Variants in CFAP47 observed in about 807,000 individuals in gnomAD.
CFAP47 encodes the protein cilia and flagella associated protein 47.
A neutral mutation model predicts 148.1 loss-of-function variants in CFAP47; 29 were observed. The observed-to-expected ratio is 0.20, with a 90% CI of 0.15 to 0.27. The LOEUF (loss-of-function observed/expected upper bound fraction) is 0.27, where lower values mean the gene tolerates loss of function less well. CFAP47 is among the 10% of genes least tolerant of loss of function. The probability of loss-of-function intolerance (pLI) is 1.00; values close to 1 mark genes in which losing one functional copy is unlikely to be tolerated. For synonymous variants in CFAP47, 664 were observed against 577.3 expected (o/e 1.15, Z -2.15); for missense variants, 1,872 against 1,697.5 (o/e 1.10, Z -1.81).
At chrX:36,175,063 A>G (rs1480044379) in intron 39 of CFAP47, among the ~76,000 whole-genome samples, 4 of 111,063 alleles carry the variant, frequency 3.6e-5, no homozygotes, top group East Asian at 5.6e-4. Flanking sequence ...ATCTTCCATC[A>G]CTGATACCCT....
chrX:36,170,065 G>A (rs950911572), intron 39 of CFAP47, among the ~76,000 whole-genome samples: 4 of 111,431 alleles, frequency 3.6e-5, no homozygotes, highest in Non-Finnish European at 7.5e-5. Flanking sequence ...CAAGGCTGCT[G>A]CAGAGCTGTC....
chrX:36,243,601 G>A (rs968509883), intron 48 of CFAP47, among the ~76,000 whole-genome samples: 3 of 98,051 alleles, frequency 3.1e-5, no homozygotes, highest in Non-Finnish European at 6.1e-5. Flanking sequence ...ATTACATTAT[G>A]ATAAAGGGTG....
intron 22 of CFAP47, among the ~76,000 whole-genome samples, chrX:36,018,817 A>T (rs1464740628): frequency 1.1e-4 from 12 of 104,926 alleles, no homozygotes; most frequent in Admixed American, 5.1e-4. Flanking sequence ...TTTTTTTTTT[A>T]AATGCGTCAT....
intron 56 of CFAP47, among the ~76,000 whole-genome samples, chrX:36,317,920 A>G (rs1941449875): frequency 8.9e-6 from 1 of 111,758 alleles, no homozygotes; most frequent in Non-Finnish European, 1.9e-5. Flanking sequence ...TTAGATGCTG[A>G]TAAGATATCT....
intron 25 of CFAP47, among the ~76,000 whole-genome samples, chrX:36,044,366 C>T (rs1937441047): frequency 8.9e-6 from 1 of 112,973 alleles, no homozygotes; most frequent in African/African-American, 3.2e-5. Context: ...ATTTTCGAAA[C>T]CTTTATGCTC....
At chrX:35,948,978 C>A (rs1021713297) in intron 4 of CFAP47, among the ~76,000 whole-genome samples, 1 of 110,906 alleles carries the variant, frequency 9.0e-6, no homozygotes, top group African/African-American at 3.3e-5. Context: ...TGACAGGAGA[C>A]AAGACCAGAA....
In CFAP47 at chrX:35,941,332, A is replaced by T; in HGVS notation, c.451A>T (p.Thr151Ser). 8.5e-7 allele frequency: 1 copy of T among 1,182,203 alleles called. No individual in the cohort carries two copies. The highest frequency in any genetic ancestry group is 1.1e-6 in the Non-Finnish European group (1 of 880,771). The stretch of plus-strand genomic sequence containing the variant: ...AATTGAATCAGTAGTTAATTTTGGC[A>T]CACTGGTTGCCAATAGTAAAGTATA... The part of the protein sequence containing the change: ...LEIESVVNFG[T>S]LVANSKVYSK... Residue 151 changes from threonine (T) to serine (S), a missense_variant, in exon 3 of 64, where the codon ACA becomes TCA. Coordinates refer to ENST00000378653, the MANE Select transcript of CFAP47 (RefSeq NM_001304548.2).
At chrX:36,042,669 A>G (rs1167522736) in intron 25 of CFAP47, among the ~76,000 whole-genome samples, 5 of 111,669 alleles carry the variant, frequency 4.5e-5, no homozygotes, top group Non-Finnish European at 9.4e-5. Flanking sequence ...ATTCAAATAA[A>G]TAAATAATAA....
At chrX:36,278,315 G>C (rs1285464946) in intron 49 of CFAP47, among the ~76,000 whole-genome samples, 1 of 112,265 alleles carries the variant, frequency 8.9e-6, no homozygotes, top group African/African-American at 3.2e-5. Flanking sequence ...CCCTCCCCCT[G>C]CCAGGCTGCT....
At chrX:36,045,205 C>G (rs186352737) in intron 25 of CFAP47, among the ~76,000 whole-genome samples, 121 of 111,628 alleles carry the variant, frequency 1.1e-3, no homozygotes, top group Non-Finnish European at 2.8e-4. Flanking sequence ...AGCTGTTGGT[C>G]TGTCATACAT....
intron 42 of CFAP47, among the ~76,000 whole-genome samples, chrX:36,198,160 G>A (rs781802707): frequency 5.8e-4 from 65 of 111,282 alleles, no homozygotes; most frequent in Non-Finnish European, 1.5e-4. Context: ...CTGAGAACAT[G>A]TGCCCTAGGT....
chrX:36,122,482 CT>C (rs1373653452), intron 33 of CFAP47, among the ~76,000 whole-genome samples: 1 of 110,711 alleles, frequency 9.0e-6, no homozygotes, highest in African/African-American at 3.3e-5. Context: ...AGACATGCTA[CT>C]TTTTTTTCAT....
At chrX:36,059,304 G>C (rs1937576564) in intron 26 of CFAP47, among the ~76,000 whole-genome samples, 1 of 111,522 alleles carries the variant, frequency 9.0e-6, no homozygotes, top group Admixed American at 9.6e-5. Context: ...ACTATTCTTG[G>C]AATGAAAATA....
Position 36,322,600 on chromosome X carries a change from T to A in CFAP47, c.8443+3293T>A, listed in dbSNP as rs1941487481. Reference sequence around the variant, plus strand: ...AAGAGACCAACATTTGTGTTCCATTTTAAGAATTTTAGCTTGAAAAATAGA... The same window carrying A: ...AAGAGACCAACATTTGTGTTCCATTATAAGAATTTTAGCTTGAAAAATAGA... On this transcript the variant is annotated intron_variant, in intron 57 of 63. Transcript: ENST00000378653. Among the ~76,000 whole-genome samples the A allele has an allele frequency of 2.7e-5, 3 of 111,647 alleles. No individual in the cohort carries two copies. The South Asian group carries it at 1.1e-3, about 41-fold the overall frequency.
chrX:36,122,605 G>T (rs1938765118), intron 33 of CFAP47, among the ~76,000 whole-genome samples: 1 of 111,181 alleles, frequency 9.0e-6, no homozygotes, highest in South Asian at 3.7e-4. Flanking sequence ...GTATTTTTTA[G>T]TATGCCAACT....
intron 26 of CFAP47, 43 bp from the exon 27 acceptor site, chrX:36,065,600 C>T (rs756271757): frequency 1.2e-6 from 1 of 812,160 alleles, no homozygotes; most frequent in Non-Finnish European, 1.8e-6. Context: ...TTTACTGCAT[C>T]TGAAATTTTT....
At position 36,353,598 on chromosome X, in the gene CFAP47, T is replaced by C; in HGVS notation, c.8768T>C (p.Phe2923Ser). The C allele has an allele frequency of 8.6e-7, 1 of 1,161,139 alleles. No homozygotes were observed. Among genetic ancestry groups the C allele is most frequent in the Non-Finnish European group, 1.2e-6 (1 of 867,237 alleles). ...GAAATCATACTGAATGCTGGTTTTTTCGGATTTAGTCTTACTCCAGATCTG... is the reference window on the plus strand; with the variant it reads ...GAAATCATACTGAATGCTGGTTTTTCCGGATTTAGTCTTACTCCAGATCTG... ...KVEIILNAGF[F>S]GFSLTPDLTE... is the part of the protein sequence containing the mutation. The change falls in exon 60 of 64, where the codon TTC (phenylalanine) becomes TCC (serine). Residue 2923 changes from phenylalanine to serine, a missense_variant. Coordinates refer to ENST00000378653, the MANE Select transcript of CFAP47 (RefSeq NM_001304548.2).
chrX:36,138,746 T>C (rs1280725500), intron 35 of CFAP47, among the ~76,000 whole-genome samples: 1 of 111,276 alleles, frequency 9.0e-6, no homozygotes, highest in Non-Finnish European at 1.9e-5. Context: ...ATTATAATCA[T>C]TACTCAAAAT....
At chrX:36,148,022 A>G (rs1321385631) in intron 36 of CFAP47, among the ~76,000 whole-genome samples, 1 of 111,661 alleles carries the variant, frequency 9.0e-6, no homozygotes, top group Non-Finnish European at 1.9e-5. Flanking sequence ...GGCAGACTTT[A>G]TTCAGGACTA....
Sources: allele counts gnomAD v4.1 joint callset (sites outside exome capture counted in the v4.1 genomes callset), GRCh38; gene constraint gnomAD v4.1.1; transcripts MANE v1.5; gene names NCBI Gene and HGNC (gene_info 2026-07-23, HGNC 2026-07-21).